The following DPY19L4 variants were observed in gnomAD, a reference collection of about 807,000 sequenced individuals.
DPY19L4 encodes probable C-mannosyltransferase DPY19L4.
A neutral mutation model predicts 102.8 loss-of-function variants in DPY19L4; 97 were observed. The ratio of observed to expected loss-of-function variants is 0.94; its 90% CI spans 0.80 to 1.12. DPY19L4 has a LOEUF of 1.12. Among genes scored for constraint, DPY19L4 ranks in the 50% most tolerant of loss-of-function variants. DPY19L4 has a pLI of 0.00. For synonymous variants in DPY19L4, 252 were observed against 283.1 expected, an observed-to-expected ratio of 0.89 and a Z score of 1.10; for missense variants, 815 against 850.4, an observed-to-expected ratio of 0.96 and a Z score of 0.52.
At chr8:94,738,178 C>T (rs1811270830) in intron 3 of DPY19L4, among the ~76,000 whole-genome samples, 191 bp from the exon 4 acceptor site, 1 of 151,304 alleles carries the variant, frequency 6.6e-6, no homozygotes, top group Admixed American at 6.6e-5. Flanking sequence ...AATAGCCGGG[C>T]GTGGTGGCAG....
chr8:94,734,703 T>G lies in DPY19L4; in HGVS notation c.201T>G (p.Ala67=). 6.2e-7 allele frequency: 1 copy of G among 1,614,116 alleles called. No individual in the cohort carries two copies. The highest frequency in any genetic ancestry group is 2.2e-5 in the East Asian group (1 of 44,856). ...LAAVTSGMMY[A]LYLSAYHERK... ...CGGTTACTAGTGGTATGATGTATGC[T>G]CTCTACTTATCAGCATACCATGAAC... is the stretch of plus-strand genomic sequence containing the variant. The change falls in exon 3 of 19, where the codon GCT becomes GCG. Residue 67 remains alanine (A), a synonymous_variant. Transcript: ENST00000414645.
intron 6 of DPY19L4, among the ~76,000 whole-genome samples, chr8:94,743,200 G>T (rs1157918210): frequency 6.6e-6 from 1 of 151,106 alleles, no homozygotes; most frequent in African/African-American, 2.4e-5. Flanking sequence ...GCTAATTTTT[G>T]TATTTTTAAT....
At chr8:94,745,249 T>C (rs1811620186) in intron 6 of DPY19L4, among the ~76,000 whole-genome samples, 1 of 151,944 alleles carries the variant, frequency 6.6e-6, no homozygotes, top group Admixed American at 6.6e-5. Flanking sequence ...GGGGAAAAAA[T>C]CAGAGGTGAG....
chr8:94,726,313 T>C lies in DPY19L4; in HGVS notation c.17-18T>C. On this transcript the variant is annotated intron_variant, in intron 1 of 18. Coordinates refer to ENST00000414645, the MANE Select transcript of DPY19L4 (RefSeq NM_181787.3). The stretch of plus-strand genomic sequence containing the variant: ...CAATTTTATACACACATTGCAATAA[T>C]GTCTTAAATATTTTAAGGACCACCT... 1 of 1,577,732 alleles carries C rather than the reference T, an allele frequency of 6.3e-7. No individual in the cohort carries two copies. The highest frequency in any genetic ancestry group is 8.6e-7 in the Non-Finnish European group (1 of 1,166,472).
At chr8:94,756,646 G>A (rs1812174890) in intron 7 of DPY19L4, among the ~76,000 whole-genome samples, 2 of 152,192 alleles carry the variant, frequency 1.3e-5, no homozygotes, top group South Asian at 4.1e-4. Flanking sequence ...GTCCCTGGTA[G>A]TTTAGATTCT....
At chr8:94,788,486 A>G (rs1813751764) in intron 18 of DPY19L4, among the ~76,000 whole-genome samples, 1 of 152,234 alleles carries the variant, frequency 6.6e-6, no homozygotes, top group Non-Finnish European at 1.5e-5. Context: ...CTAAATTAAC[A>G]CAGTGCCTGT....
intron 2 of DPY19L4, among the ~76,000 whole-genome samples, chr8:94,727,207 G>A (rs1810728732): frequency 6.6e-6 from 1 of 152,184 alleles, no homozygotes; most frequent in Non-Finnish European, 1.5e-5. Flanking sequence ...GAATGAAGTT[G>A]TATTTACAGC....
chr8:94,726,348 C>T lies in DPY19L4; in HGVS notation c.34C>T (p.Arg12Cys), dbSNP rs770366232. The change falls in exon 2 of 19, where the codon CGC becomes TGC. Residue 12 changes from arginine to cysteine, a missense_variant. Arg to Cys is a radical substitution (Grantham distance 180). Transcript: ENST00000414645. ...ATTTTAAGGACCACCTGTAGAGCTG[C>T]GCCAAAGAAAAAAGCCAAAGTCTTC... ...AEEEGPPVELRQRKKPKSSEN... is the reference protein window; with the variant it reads ...AEEEGPPVELCQRKKPKSSEN... 78 of 1,609,616 alleles carry T rather than the reference C, an allele frequency of 4.8e-5. No homozygotes were observed. In the Admixed American group the frequency reaches 6.9e-4, roughly 14 times the overall value.
At chr8:94,723,383 G>A (rs544837798) in intron 1 of DPY19L4, among the ~76,000 whole-genome samples, 122 of 151,970 alleles carry the variant, frequency 8.0e-4, no homozygotes, top group African/African-American at 2.9e-3. Context: ...TGAGGTAGGA[G>A]AATTGCTTGA....
At chr8:94,742,697 T>TACAGGC (rs1244315750) in intron 6 of DPY19L4, among the ~76,000 whole-genome samples, 1 of 151,732 alleles carries the variant, frequency 6.6e-6, no homozygotes, top group Non-Finnish European at 1.5e-5. Context: ...TAGCTGGGAT[T>TACAGGC]ACAGGCACAT....
intron 6 of DPY19L4, chr8:94,744,715 A>ATT (rs1385085442): frequency 5.5e-6 from 2 of 365,196 alleles, no homozygotes; most frequent in African/African-American, 2.1e-5. Context: ...AAACAAAAGA[A>ATT]TAAGACTCTC....
intron 1 of DPY19L4, among the ~76,000 whole-genome samples, chr8:94,720,951 C>CT (rs139273476): frequency 0.013 from 1,819 of 143,964 alleles, 17 homozygotes; most frequent in East Asian, 0.04. Context: ...GCCCCCCTGC[C>CT]TTTTTTTTTT....
chr8:94,743,190 G>A (rs568951623), intron 6 of DPY19L4, among the ~76,000 whole-genome samples: 1 of 151,740 alleles, frequency 6.6e-6, no homozygotes. Flanking sequence ...ACCACACCCA[G>A]CTAATTTTTG....
intron 13 of DPY19L4, 116 bp downstream of exon 13, chr8:94,770,687 C>G (rs1563607637): frequency 8.9e-6 from 12 of 1,346,716 alleles, no homozygotes; most frequent in East Asian, 4.9e-5. Flanking sequence ...CACCTGAGTT[C>G]AGGAGTTTGA....
At position 94,777,718 on chromosome 8, in the gene DPY19L4, T is replaced by C. The variant is rs1318605859; in HGVS notation, c.1507T>C (p.Cys503Arg). The C allele has an allele frequency of 6.2e-7, 1 of 1,614,012 alleles. No individual in the cohort carries two copies. Among genetic ancestry groups the C allele is most frequent in the East Asian group, 2.2e-5 (1 of 44,878 alleles). ...GTGCATGTTAGCAGCATTTGGTGTATGTTCTCCCGAACTTTGGATGACACT... is the reference window on the plus strand; with the variant it reads ...GTGCATGTTAGCAGCATTTGGTGTACGTTCTCCCGAACTTTGGATGACACT... ...YVCMLAAFGV[C>R]SPELWMTLFK... The change falls in exon 14 of 19, where the codon TGT becomes CGT. Residue 503 changes from cysteine to arginine, a missense_variant. Transcript: ENST00000414645.
Position 94,727,886 on chromosome 8 carries a change from C to G in DPY19L4, c.127+1445C>G, listed in dbSNP as rs146702759. ...TATCAGTTAGAGAATGGTGGGAACT[C>G]TCCTGAAATTGAAGTTCCTAGATGC... On this transcript the variant is annotated intron_variant, in intron 2 of 18. Coordinates refer to ENST00000414645, the MANE Select transcript of DPY19L4 (RefSeq NM_181787.3). Among the ~76,000 whole-genome samples, 571 of 152,278 alleles carry G rather than the reference C, an allele frequency of 3.7e-3. 5 individuals are homozygous for G. The highest frequency in any genetic ancestry group is 0.028 in the South Asian group (133 of 4,820).
At chr8:94,722,635 GTAA>G (rs1344393285) in intron 1 of DPY19L4, among the ~76,000 whole-genome samples, 1 of 152,098 alleles carries the variant, frequency 6.6e-6, no homozygotes, top group African/African-American at 2.4e-5. Context: ...TATAATGCTA[GTAA>G]TAATAATACA....
intron 14 of DPY19L4, among the ~76,000 whole-genome samples, chr8:94,778,675 T>G (rs1345913970): frequency 6.6e-6 from 1 of 152,096 alleles, no homozygotes; most frequent in Admixed American, 6.6e-5. Context: ...TTCTTTCTTT[T>G]TTTTTTCTTT....
At chr8:94,783,628 T>G in intron 16 of DPY19L4, 42 bp from the exon 17 acceptor site, 14 of 1,606,298 alleles carry the variant, frequency 8.7e-6, no homozygotes, top group Non-Finnish European at 1.2e-5. Context: ...CTAAATAGTA[T>G]ACTTGCCTTT....
Sources: allele counts gnomAD v4.1 joint callset (sites outside exome capture counted in the v4.1 genomes callset), GRCh38; gene constraint gnomAD v4.1.1; transcripts MANE v1.5; gene names NCBI Gene and HGNC (gene_info 2026-07-23, HGNC 2026-07-21).